The following MTOR variants were observed in gnomAD, a reference collection of about 807,000 sequenced individuals.
MTOR encodes mechanistic target of rapamycin kinase.
MTOR carries 70 observed loss-of-function variants against 319.8 expected under a neutral mutation model. The ratio of observed to expected loss-of-function variants is 0.22; its 90% CI spans 0.18 to 0.27. The LOEUF is 0.27. Among genes scored for constraint, MTOR ranks in the 10% least tolerant of loss-of-function variants. MTOR has a pLI of 1.00. For synonymous variants in MTOR, 1,183 were observed against 1,211.4 expected (o/e 0.98, Z 0.49); for missense variants, 1,890 against 3,274.4 (o/e 0.58, Z 10.32).
At chr1:11,188,681 G>C (rs912332951) in intron 28 of MTOR, among the ~76,000 whole-genome samples, 3 of 152,136 alleles carry the variant, frequency 2.0e-5, no homozygotes, top group Non-Finnish European at 4.4e-5. Context: ...CCCTCTCTTT[G>C]TTGAAGGAGA....
intron 30 of MTOR, among the ~76,000 whole-genome samples, chr1:11,153,499 A>G (rs911347729): frequency 2.0e-5 from 3 of 152,240 alleles, no homozygotes; most frequent in African/African-American, 7.2e-5. Flanking sequence ...AATTTTAAGA[A>G]CACTTCCATC....
intron 6 of MTOR, among the ~76,000 whole-genome samples, chr1:11,251,410 A>C (rs1450409090): frequency 2.6e-5 from 4 of 152,184 alleles, no homozygotes; most frequent in Non-Finnish European, 4.4e-5. Context: ...AATCCAGGTG[A>C]GCATACTCTA....
rs182088870 is a variant in MTOR, at chr1:11,231,405, C to T, written c.2544G>A (p.Val848=). 5 of 1,614,150 alleles carry T rather than the reference C, an allele frequency of 3.1e-6. No individual in the cohort carries two copies. In the East Asian group the frequency reaches 8.9e-5, roughly 29 times the overall value. Residue 848 remains valine (V), a synonymous_variant, in exon 17 of 58, where the codon GTG becomes GTA. Coordinates refer to ENST00000361445, the MANE Select transcript of MTOR (RefSeq NM_004958.4). ...GCTCTACTACATAGCCAGTGCTGGC[C>T]ACCAACTGTCCCAGGGTCCACAGAG... is the stretch of plus-strand genomic sequence containing the variant. The part of the protein sequence containing the change: ...QVALWTLGQL[V]ASTGYVVEPY...
intron 32 of MTOR, chr1:11,145,287 A>G: frequency 1.9e-6 from 1 of 517,098 alleles, no homozygotes; most frequent in Non-Finnish European, 3.4e-6. Flanking sequence ...AAGGTAACAC[A>G]CAAAATCTTA....
At chr1:11,244,296 TAAAAAAA>T (rs35865993) in intron 8 of MTOR, among the ~76,000 whole-genome samples, 1 of 88,952 alleles carries the variant, frequency 1.1e-5, no homozygotes, top group African/African-American at 4.2e-5. Context: ...ACATCTCATT[TAAAAAAA>T]AAAAAAAAAA....
chr1:11,220,623 G>A (rs1646631589), intron 19 of MTOR, among the ~76,000 whole-genome samples: 1 of 152,198 alleles, frequency 6.6e-6, no homozygotes, highest in African/African-American at 2.4e-5. Context: ...ATAAGATGGA[G>A]GAAGGGGGCC....
intron 28 of MTOR, chr1:11,193,891 T>A: frequency 9.1e-7 from 1 of 1,098,604 alleles, no homozygotes; most frequent in Non-Finnish European, 1.3e-6. Context: ...TTCATTGTGA[T>A]GGTTTTCCTG....
intron 19 of MTOR, among the ~76,000 whole-genome samples, chr1:11,224,398 G>A (rs1329643751): frequency 6.6e-6 from 1 of 152,118 alleles, no homozygotes; most frequent in South Asian, 2.1e-4. Context: ...AAATTTGCAT[G>A]CATCTAGTAA....
At chr1:11,241,104 A>C (rs975558566) in intron 10 of MTOR, among the ~76,000 whole-genome samples, 12 of 151,746 alleles carry the variant, frequency 7.9e-5, no homozygotes, top group South Asian at 6.3e-4. Context: ...GGCGGATCAC[A>C]AGGTCAGGAG....
In MTOR at chr1:11,127,248, G is replaced by T; in HGVS notation, c.6217-104C>A. The T allele has an allele frequency of 6.7e-7, 1 of 1,494,286 alleles. No homozygotes were observed. The highest frequency in any genetic ancestry group is 2.3e-5 in the East Asian group (1 of 44,158). The allele number at this position is 1,494,286 out of a possible 1,614,324, so 92.6% of individuals were successfully genotyped here. On this transcript the variant is annotated intron_variant, in intron 44 of 57. Transcript: ENST00000361445. The surrounding 1 kb of genome is among the most constrained non-coding windows in gnomAD (Gnocchi z 5.5). ...AGATATTCCTCAGGAGCCCGCTGTG[G>T]CCTGAAAACACTGGCAGGGGGCTGG...
chr1:11,151,435 C>T (rs1644139949), intron 30 of MTOR, among the ~76,000 whole-genome samples: 1 of 152,076 alleles, frequency 6.6e-6, no homozygotes, highest in African/African-American at 2.4e-5. Context: ...GGTTTTCTGC[C>T]ACCGAGACTT....
At chr1:11,235,322 A>C (rs1647165690) in intron 13 of MTOR, among the ~76,000 whole-genome samples, 1 of 152,158 alleles carries the variant, frequency 6.6e-6, no homozygotes, top group Non-Finnish European at 1.5e-5. Flanking sequence ...CAAGACCGCA[A>C]GAAAGGCCAA....
intron 3 of MTOR, among the ~76,000 whole-genome samples, chr1:11,258,149 T>A (rs568034737): frequency 6.6e-6 from 1 of 151,666 alleles, no homozygotes; most frequent in East Asian, 1.9e-4. Flanking sequence ...CTATACCGAT[T>A]CCACTTTTCC....
chr1:11,203,904 T>C (rs116405291), intron 26 of MTOR, among the ~76,000 whole-genome samples: 3 of 152,180 alleles, frequency 2.0e-5, no homozygotes, highest in East Asian at 1.9e-4. Context: ...AAAAACACCA[T>C]GCTCTTCTAC....
chr1:11,256,767 A>G (rs1159705686), intron 4 of MTOR, among the ~76,000 whole-genome samples, 166 bp downstream of exon 4: 3 of 152,096 alleles, frequency 2.0e-5, no homozygotes, highest in African/African-American at 7.2e-5. Flanking sequence ...CCACCACACC[A>G]TGCTAGATTC....
intron 34 of MTOR, chr1:11,143,904 A>G (rs1643829869): frequency 6.6e-6 from 1 of 152,148 alleles, no homozygotes; most frequent in Admixed American, 6.6e-5. Context: ...AAGGAATGGG[A>G]TAACTGGCCA....
At chr1:11,134,265 A>G in intron 37 of MTOR, 86 bp downstream of exon 37, 2 of 1,201,876 alleles carry the variant, frequency 1.7e-6, no homozygotes, top group South Asian at 1.3e-5. Flanking sequence ...CAGCCACCCA[A>G]GAAGCCTTGA....
chr1:11,252,068 C>G (rs1478355462), intron 6 of MTOR, among the ~76,000 whole-genome samples: 1 of 152,126 alleles, frequency 6.6e-6, no homozygotes, highest in African/African-American at 2.4e-5. Context: ...GGTTCCATGA[C>G]CCACTGCGAT....
At chr1:11,244,461 C>T (rs1330940220) in intron 8 of MTOR, among the ~76,000 whole-genome samples, 2 of 151,912 alleles carry the variant, frequency 1.3e-5, no homozygotes, top group African/African-American at 2.4e-5. Context: ...GATGAAACCC[C>T]GTCTCTACTG....
Sources: allele counts gnomAD v4.1 joint callset (sites outside exome capture counted in the v4.1 genomes callset), GRCh38; gene constraint gnomAD v4.1.1; non-coding constraint Gnocchi (gnomAD v3.1); transcripts MANE v1.5; gene names NCBI Gene and HGNC (gene_info 2026-07-23, HGNC 2026-07-21).